TESC: variants seen among roughly 807,000 people sequenced by gnomAD.
TESC encodes the protein calcineurin B homologous protein 3.
In TESC, 19 loss-of-function variants were observed where a neutral mutation model predicts 31.0. That is an observed-to-expected ratio of 0.61 (90% CI 0.43 to 0.90). TESC has a LOEUF of 0.90. Ranked by LOEUF, TESC falls within the 40% of genes least tolerant of loss-of-function variation. The pLI is 0.00. For missense variants in TESC, 248 were observed against 303.8 expected (o/e 0.82, Z 1.36); for synonymous variants, 109 against 114.8 (o/e 0.95, Z 0.32).
chr12:117,067,610 A>G (rs1284689282), intron 2 of TESC, among the ~76,000 whole-genome samples: 1 of 152,154 alleles, frequency 6.6e-6, no homozygotes, highest in Admixed American at 6.5e-5. Flanking sequence ...GACAGGTTAA[A>G]AACAAAGCAA....
At chr12:117,040,823 T>G (rs1954471627) in intron 7 of TESC, among the ~76,000 whole-genome samples, 1 of 152,204 alleles carries the variant, frequency 6.6e-6, no homozygotes, top group South Asian at 2.1e-4. Flanking sequence ...CTGCCAGGCT[T>G]GGCCTCGGCT....
chr12:117,045,701 C>T (rs1011413433), intron 6 of TESC, among the ~76,000 whole-genome samples: 4 of 152,242 alleles, frequency 2.6e-5, no homozygotes, highest in Admixed American at 2.6e-4. Flanking sequence ...CCAGCATGAA[C>T]GCCCCTCCAC....
intron 1 of TESC, among the ~76,000 whole-genome samples, chr12:117,093,305 A>G (rs1565977880): frequency 6.6e-6 from 1 of 152,256 alleles, no homozygotes; most frequent in Non-Finnish European, 1.5e-5. Flanking sequence ...CCCAGGGGCG[A>G]GAACGCAGTG....
At chr12:117,040,307 G>A (rs975342867) in intron 7 of TESC, among the ~76,000 whole-genome samples, 1 of 152,174 alleles carries the variant, frequency 6.6e-6, no homozygotes, top group African/African-American at 2.4e-5. Context: ...GACACTCACG[G>A]TGGTTTCTGC....
intron 7 of TESC, 40 bp from the exon 8 acceptor site, chr12:117,039,250 G>A (rs779600618): frequency 6.3e-6 from 10 of 1,581,774 alleles, no homozygotes; most frequent in Middle Eastern, 1.7e-4. Context: ...CGTTCCCGCC[G>A]CCACCTCACA....
chr12:117,053,057 G>A (rs1051006988), intron 3 of TESC, among the ~76,000 whole-genome samples: 3 of 152,192 alleles, frequency 2.0e-5, no homozygotes, highest in Non-Finnish European at 4.4e-5. Flanking sequence ...TCCCTCCTCA[G>A]GGTCCCCACA....
chr12:117,055,552 G>A (rs549620205), intron 3 of TESC, among the ~76,000 whole-genome samples: 1 of 152,332 alleles, frequency 6.6e-6, no homozygotes, highest in Admixed American at 6.5e-5. Context: ...AGAAGGGGGT[G>A]ACCTAGTGAC....
At chr12:117,064,422 C>T (rs1409743838) in intron 2 of TESC, among the ~76,000 whole-genome samples, 1 of 152,198 alleles carries the variant, frequency 6.6e-6, no homozygotes, top group Non-Finnish European at 1.5e-5. Flanking sequence ...CAAGACCACT[C>T]CCCCAGGCAA....
At chr12:117,095,845 A>G (rs925480666) in intron 1 of TESC, among the ~76,000 whole-genome samples, 1 of 151,908 alleles carries the variant, frequency 6.6e-6, no homozygotes, top group Non-Finnish European at 1.5e-5. Context: ...TGCCCCTTGC[A>G]CTCCAGCCTG....
chr12:117,042,085 C>T (rs1474343636), intron 6 of TESC, 91 bp from the exon 7 acceptor site: 1 of 1,305,556 alleles, frequency 7.7e-7, no homozygotes, highest in Non-Finnish European at 1.1e-6. Context: ...CCCTCCCCAC[C>T]AATACCCAAA....
chr12:117,049,909 A>G (rs1954623031), intron 3 of TESC, among the ~76,000 whole-genome samples: 1 of 147,228 alleles, frequency 6.8e-6, no homozygotes, highest in Admixed American at 6.7e-5. Context: ...TCAAGAAAAA[A>G]AAAAAAAAAA....
rs1294018242 is a variant in TESC at position 117,075,895 on chromosome 12, A to ATGTGTG, written c.59-556_59-555insCACACA. 2.1e-3 allele frequency among the ~76,000 whole-genome samples: 173 copies of ATGTGTG among 83,018 alleles called. 5 individuals carry two copies. Among genetic ancestry groups the ATGTGTG allele is most frequent in the African/African-American group, 7.5e-3 (105 of 14,048 alleles). 54.5% of individuals were successfully genotyped at this position (83,018 alleles called of 152,430 possible). On this transcript the variant is annotated intron_variant, in intron 1 of 7. Transcript: ENST00000335209. The stretch of plus-strand genomic sequence containing the variant: ...TGTGTGTATATATATATATATATAT[A>ATGTGTG]TATATATATATATATATATGTGTGT...
intron 1 of TESC, among the ~76,000 whole-genome samples, chr12:117,085,288 A>T (rs1469624908): frequency 6.6e-6 from 1 of 152,154 alleles, no homozygotes; most frequent in Non-Finnish European, 1.5e-5. Context: ...AGTCCAGGAC[A>T]TTTGGACTTG....
At position 117,044,379 on chromosome 12, in the gene TESC, G is replaced by A. The variant is rs148891039; in HGVS notation, c.519+2180C>T. On this transcript the variant is annotated intron_variant, in intron 6 of 7. Coordinates refer to ENST00000335209, the MANE Select transcript of TESC (RefSeq NM_017899.4). ...CCTTCCTCCCTGTCTTCCCACTCAC[G>A]GGCACAGTGGCTGCCCTCCCTGCCG... is the stretch of plus-strand genomic sequence containing the variant. Among the ~76,000 whole-genome samples, 643 of 152,244 alleles carry A rather than the reference G, an allele frequency of 4.2e-3. 6 individuals carry two copies. Among genetic ancestry groups the A allele is most frequent in the African/African-American group, 0.014 (598 of 41,548 alleles).
chr12:117,040,752 T>C (rs931579930), intron 7 of TESC, among the ~76,000 whole-genome samples: 6 of 152,208 alleles, frequency 3.9e-5, no homozygotes, highest in Non-Finnish European at 5.9e-5. Context: ...CCTTTCAGCC[T>C]TTCATCACAG....
chr12:117,039,270 G>GCCCC, intron 7 of TESC, 60 bp from the exon 8 acceptor site: 1 of 1,526,934 alleles, frequency 6.5e-7, no homozygotes. Flanking sequence ...ACCTGACCAG[G>GCCCC]CCCCCCGGTC....
chr12:117,054,019 A>T (rs7972416), intron 3 of TESC: 23 of 151,914 alleles, frequency 1.5e-4, no homozygotes, highest in Admixed American at 4.6e-4. Flanking sequence ...AACTTCACAC[A>T]CTTCACAGTC....
intron 2 of TESC, among the ~76,000 whole-genome samples, chr12:117,069,319 G>A (rs572964870): frequency 6.6e-6 from 1 of 152,088 alleles, no homozygotes; most frequent in South Asian, 2.1e-4. Flanking sequence ...AGCTCATTGC[G>A]ACCTCTCCCT....
intron 2 of TESC, among the ~76,000 whole-genome samples, chr12:117,074,190 C>T (rs1291771312): frequency 6.6e-6 from 1 of 151,968 alleles, no homozygotes; most frequent in East Asian, 1.9e-4. Context: ...CAAGACCCTG[C>T]TTCTACGAAA....
Sources: allele counts gnomAD v4.1 joint callset (sites outside exome capture counted in the v4.1 genomes callset), GRCh38; gene constraint gnomAD v4.1.1; transcripts MANE v1.5; gene names NCBI Gene and HGNC (gene_info 2026-07-23, HGNC 2026-07-21).